The following CSMD3 variants were observed in gnomAD, a reference collection of about 807,000 sequenced individuals.
CSMD3 encodes the protein CUB and sushi domain-containing protein 3.
In CSMD3, 177 loss-of-function variants were observed where a neutral mutation model predicts 435.2. The observed-to-expected ratio is 0.41, with a 90% CI of 0.36 to 0.46. The LOEUF is 0.46. Among genes scored for constraint, CSMD3 ranks in the 20% least tolerant of loss-of-function variants. CSMD3 has a pLI of 0.34. For synonymous variants in CSMD3, 1,656 were observed against 1,520.5 expected, an observed-to-expected ratio of 1.09 and a Z score of -2.07; for missense variants, 4,265 against 4,504.6, an observed-to-expected ratio of 0.95 and a Z score of 1.52.
intron 41 of CSMD3, among the ~76,000 whole-genome samples, chr8:112,345,767 T>C (rs1365596019): frequency 1.3e-5 from 2 of 152,144 alleles, no homozygotes; most frequent in South Asian, 2.1e-4. Context: ...TAACTTTATT[T>C]AGTTCTTCCA....
intron 25 of CSMD3, among the ~76,000 whole-genome samples, chr8:112,555,994 G>T (rs1828082099): frequency 6.6e-6 from 1 of 151,944 alleles, no homozygotes; most frequent in Non-Finnish European, 1.5e-5. Flanking sequence ...AAAGGCTGAA[G>T]AATCACTGCA....
intron 5 of CSMD3, among the ~76,000 whole-genome samples, chr8:113,083,204 G>A (rs1465647096): frequency 6.6e-6 from 1 of 151,946 alleles, no homozygotes; most frequent in African/African-American, 2.4e-5. Flanking sequence ...TATTGAAACT[G>A]CCAAAATCAA....
intron 27 of CSMD3, among the ~76,000 whole-genome samples, chr8:112,549,241 C>A (rs1819822823): frequency 6.6e-6 from 1 of 151,726 alleles, no homozygotes; most frequent in Admixed American, 6.6e-5. Flanking sequence ...ACAAATTGTT[C>A]CCACTTAAAA....
intron 1 of CSMD3, among the ~76,000 whole-genome samples, chr8:113,347,335 A>G (rs2094158953): frequency 1.3e-5 from 2 of 151,976 alleles, no homozygotes; most frequent in African/African-American, 4.8e-5. Context: ...TGCTCTGGTT[A>G]TTATCTCCTT....
At chr8:112,779,617 C>T (rs1372527453) in intron 13 of CSMD3, among the ~76,000 whole-genome samples, 1 of 151,976 alleles carries the variant, frequency 6.6e-6, no homozygotes, top group Non-Finnish European at 1.5e-5. Context: ...TTGGGATGGT[C>T]AGCACCATCA....
intron 1 of CSMD3, among the ~76,000 whole-genome samples, chr8:113,316,418 TCCTCAGAAGC>T (rs2093910167): frequency 1.3e-5 from 2 of 152,216 alleles, no homozygotes; most frequent in African/African-American, 4.8e-5. Context: ...TGAATAGAAG[TCCTCAGAAGC>T]CAGAGTTGTA....
chr8:112,389,917 T>TA (rs538258595), intron 36 of CSMD3, among the ~76,000 whole-genome samples: 4 of 152,138 alleles, frequency 2.6e-5, no homozygotes, highest in Non-Finnish European at 4.4e-5. Context: ...AAAATAGCCA[T>TA]AATTCAAATA....
intron 12 of CSMD3, among the ~76,000 whole-genome samples, chr8:112,827,727 A>G (rs2079740735): frequency 6.6e-6 from 1 of 152,332 alleles, no homozygotes; most frequent in South Asian, 2.1e-4. Context: ...AAAGCAATCC[A>G]CATTTTGTCT....
At chr8:112,387,339 C>G (rs1830063529) in intron 36 of CSMD3, among the ~76,000 whole-genome samples, 1 of 152,082 alleles carries the variant, frequency 6.6e-6, no homozygotes, top group Non-Finnish European at 1.5e-5. Flanking sequence ...AATATTCATA[C>G]AATTCTTTAT....
intron 1 of CSMD3, among the ~76,000 whole-genome samples, chr8:113,383,815 T>C (rs751176358): frequency 6.6e-6 from 1 of 152,128 alleles, no homozygotes; most frequent in Non-Finnish European, 1.5e-5. Context: ...TCTGGATCTG[T>C]ATCCTTTTTA....
chr8:112,581,284 C>T lies in CSMD3; in HGVS notation c.3885+5782G>A, dbSNP rs536454483. On this transcript the variant is annotated intron_variant, in intron 23 of 70. Coordinates refer to ENST00000297405, the MANE Select transcript of CSMD3 (RefSeq NM_198123.2). Reference sequence around the variant, plus strand: ...GAGATTTGAACCTAGGTTTACCTGTCCCTAAAGCCCATTCTTAATGACAAA... The same window carrying T: ...GAGATTTGAACCTAGGTTTACCTGTTCCTAAAGCCCATTCTTAATGACAAA... Among the ~76,000 whole-genome samples, 209 of 152,026 alleles carry T rather than the reference C, an allele frequency of 1.4e-3. 4 individuals carry two copies. The Middle Eastern group carries it at 0.041, about 30-fold the overall frequency.
intron 3 of CSMD3, among the ~76,000 whole-genome samples, chr8:113,187,525 A>C (rs181308757): frequency 3.7e-4 from 57 of 152,190 alleles, no homozygotes; most frequent in Admixed American, 1.1e-3. Context: ...CCTGATAATG[A>C]AACCAACAGG....
chr8:113,084,727 A>C (rs1236423055), intron 5 of CSMD3, among the ~76,000 whole-genome samples: 2 of 151,862 alleles, frequency 1.3e-5, no homozygotes, highest in Non-Finnish European at 2.9e-5. Context: ...ACAAAACTAT[A>C]GTAAGTAAAC....
chr8:113,088,303 A>G (rs1397302651), intron 5 of CSMD3, among the ~76,000 whole-genome samples: 67 of 151,104 alleles, frequency 4.4e-4, no homozygotes, highest in East Asian at 5.9e-4. Flanking sequence ...TCAGTGTGGC[A>G]ATTCCTCAGG....
intron 4 of CSMD3, among the ~76,000 whole-genome samples, chr8:113,159,176 G>A (rs919528433): frequency 6.6e-6 from 1 of 151,810 alleles, no homozygotes; most frequent in South Asian, 2.1e-4. Context: ...CCTTTTTGAA[G>A]TAATTACAGT....
In CSMD3 at chr8:112,234,251, T is replaced by C. The variant is rs1442279474; in HGVS notation, c.10740+114A>G. On this transcript the variant is annotated intron_variant, in intron 68 of 70. Transcript: ENST00000297405. ...TACTAAATATTTATATTTACTAATA[T>C]ATATGTATGTGTATGTATTCATAAT... 11 of 630,754 alleles carry C rather than the reference T, an allele frequency of 1.7e-5. No homozygotes were observed. In the Admixed American group the frequency reaches 1.8e-4, roughly 11 times the overall value. 39.1% of individuals were successfully genotyped at this position (630,754 alleles called of 1,614,324 possible).
In CSMD3 at chr8:113,098,922, T is replaced by C. The variant is rs747125882; in HGVS notation, c.751A>G (p.Ile251Val). The C allele has an allele frequency of 6.2e-7, 1 of 1,612,548 alleles. No individual in the cohort carries two copies. The highest frequency in any genetic ancestry group is 1.1e-5 in the South Asian group (1 of 91,046). The change falls in exon 5 of 71, where the codon ATC (isoleucine) becomes GTC (valine). Residue 251 changes from isoleucine (I) to valine (V), a missense_variant. Physicochemically the swap from Ile to Val is conservative, Grantham distance 29 (BLOSUM62 3). Coordinates refer to ENST00000297405, the MANE Select transcript of CSMD3 (RefSeq NM_198123.2). ...TTAGGAAAACTAGGGCTGGATATGA[T>C]GCCACTGGATCCTCTCATTGTTCCT... ...CGGTMRGSSG[I>V]ISSPSFPNEY...
chr8:113,220,976 C>A (rs542436704), intron 3 of CSMD3, among the ~76,000 whole-genome samples: 6 of 151,320 alleles, frequency 4.0e-5, no homozygotes, highest in African/African-American at 1.4e-4. Context: ...AAGTTATATT[C>A]TTTTAAAAGA....
chr8:112,314,310 T>C, intron 48 of CSMD3, 119 bp downstream of exon 48: 1 of 793,814 alleles, frequency 1.3e-6, no homozygotes, highest in Non-Finnish European at 2.1e-6. Context: ...TGTTGGTACT[T>C]CTAAAAATAT....
Sources: gnomAD v4.1 joint callset for allele counts (sites outside exome capture counted in the v4.1 genomes callset) on GRCh38, gnomAD v4.1.1 for gene constraint, MANE v1.5 for transcripts, NCBI Gene and HGNC (gene_info 2026-07-23, HGNC 2026-07-21) for gene names.